The following PTPRN2 variants were observed in gnomAD, a reference collection of about 807,000 sequenced individuals.
PTPRN2 encodes protein tyrosine phosphatase receptor type N2, also known as receptor-type tyrosine-protein phosphatase N2.
A neutral mutation model predicts 118.8 loss-of-function variants in PTPRN2; 74 were observed. The ratio of observed to expected loss-of-function variants is 0.62; its 90% CI spans 0.52 to 0.76. The LOEUF (loss-of-function observed/expected upper bound fraction) is 0.76, where lower values mean the gene tolerates loss of function less well. Among genes scored for constraint, PTPRN2 ranks in the 30% least tolerant of loss-of-function variants. The pLI is 0.00. For synonymous variants in PTPRN2, 641 were observed against 608.0 expected, an observed-to-expected ratio of 1.05 and a Z score of -0.80; for missense variants, 1,481 against 1,394.4, an observed-to-expected ratio of 1.06 and a Z score of -0.99.
Position 157,560,757 on chromosome 7 carries a change from C to T in PTPRN2, c.2902+8145G>A, listed in dbSNP as rs1563213712. Among the ~76,000 whole-genome samples, 2 of 152,216 alleles carry T rather than the reference C, an allele frequency of 1.3e-5. No individual in the cohort carries two copies. On this transcript the variant is annotated intron_variant, in intron 21 of 22. Coordinates refer to ENST00000389418, the MANE Select transcript of PTPRN2 (RefSeq NM_002847.5). The surrounding 1 kb of genome is among the most constrained non-coding windows in gnomAD (Gnocchi z 6.7). ...ACCCAATTCTGGGCACTTTTTCAGC[C>T]TGAAACTTGCCTGAGCGAGACAAGA...
chr7:157,954,635 A>C (rs1801069469), intron 11 of PTPRN2, among the ~76,000 whole-genome samples: 1 of 152,018 alleles, frequency 6.6e-6, no homozygotes, highest in Admixed American at 6.5e-5. Flanking sequence ...GTGTGAGAGG[A>C]GTGGTCTCAG....
intron 10 of PTPRN2, among the ~76,000 whole-genome samples, chr7:158,110,191 G>T (rs557621902): frequency 6.6e-6 from 1 of 152,212 alleles, no homozygotes; most frequent in African/African-American, 2.4e-5. Flanking sequence ...CCAGCTGTGC[G>T]CTGTGGGAGC....
At chr7:157,952,544 G>T (rs1800903998) in intron 11 of PTPRN2, among the ~76,000 whole-genome samples, 1 of 152,066 alleles carries the variant, frequency 6.6e-6, no homozygotes, top group Non-Finnish European at 1.5e-5. Flanking sequence ...TGATAGGCTG[G>T]CTCCCTGAGC....
intron 9 of PTPRN2, among the ~76,000 whole-genome samples, chr7:158,122,930 T>C (rs1486823663): frequency 1.3e-5 from 2 of 151,536 alleles, no homozygotes; most frequent in African/African-American, 2.4e-5. Context: ...CTCTTCCTTG[T>C]GGGCCAGATG....
At chr7:157,684,777 C>T (rs1797093004) in intron 12 of PTPRN2, among the ~76,000 whole-genome samples, 1 of 151,972 alleles carries the variant, frequency 6.6e-6, no homozygotes, top group South Asian at 2.1e-4. Context: ...CGCGCCACCT[C>T]CCCCGGGCCG....
Position 157,784,951 on chromosome 7 carries a change from G to A in PTPRN2, c.1789-102014C>T, listed in dbSNP as rs993878230. 2.0e-5 allele frequency among the ~76,000 whole-genome samples: 3 copies of A among 152,174 alleles called. No individual in the cohort carries two copies. The highest frequency in any genetic ancestry group is 4.4e-5 in the Non-Finnish European group (3 of 68,020). On this transcript the variant is annotated intron_variant, in intron 12 of 22. Transcript: ENST00000389418. This position sits in a 1 kb window ranked among gnomAD's most constrained non-coding sequence, Gnocchi z 4.6. Reference sequence around the variant, plus strand: ...TCCCCAGTGGCCAGGTGAGCAGTGGGGCTGGAGAGGAGAGCAGAGGGAGCC... The same window carrying A: ...TCCCCAGTGGCCAGGTGAGCAGTGGAGCTGGAGAGGAGAGCAGAGGGAGCC...
chr7:158,471,625 T>C (rs932487737), intron 2 of PTPRN2, among the ~76,000 whole-genome samples: 1 of 152,184 alleles, frequency 6.6e-6, no homozygotes, highest in East Asian at 1.9e-4. Flanking sequence ...GAGTCAGAAG[T>C]TGTGGCGAGC....
intron 3 of PTPRN2, among the ~76,000 whole-genome samples, chr7:158,217,311 C>A (rs1319831655): frequency 6.6e-6 from 1 of 152,208 alleles, no homozygotes; most frequent in Non-Finnish European, 1.5e-5. Context: ...GGTCCCAGGT[C>A]ACCAGGGTTA....
intron 5 of PTPRN2, among the ~76,000 whole-genome samples, chr7:158,173,407 A>T (rs1217740326): frequency 6.6e-6 from 1 of 152,190 alleles, no homozygotes; most frequent in Non-Finnish European, 1.5e-5. Flanking sequence ...GAGCCACAAA[A>T]CCAGCAAGTT....
In PTPRN2 at chr7:157,733,826, C is replaced by T. The variant is rs550730734; in HGVS notation, c.1789-50889G>A. Among the ~76,000 whole-genome samples, 32 of 45,028 alleles carry T rather than the reference C, an allele frequency of 7.1e-4. 1 individual carries two copies. Among genetic ancestry groups the T allele is most frequent in the Non-Finnish European group, 1.2e-3 (28 of 22,422 alleles). The allele number at this position is 45,028 out of a possible 152,430, so 29.5% of individuals were successfully genotyped here. ...CACAGTTACTCTTTTCCGTCCCACG[C>T]GCCCAGCACAGTTACTCTTCCGTCC... is the stretch of plus-strand genomic sequence containing the variant. On this transcript the variant is annotated intron_variant, in intron 12 of 22. Coordinates refer to ENST00000389418, the MANE Select transcript of PTPRN2 (RefSeq NM_002847.5).
chr7:158,526,200 G>A lies in PTPRN2; in HGVS notation c.113-36415C>T, dbSNP rs953444900. Among the ~76,000 whole-genome samples, 2 of 152,160 alleles carry A rather than the reference G, an allele frequency of 1.3e-5. No homozygotes were observed. Among genetic ancestry groups the A allele is most frequent in the South Asian group, 2.1e-4 (1 of 4,832 alleles). ...CTCCTGGTGTTGGCAGGGTGCCGGC[G>A]GAATCCAGGGCAGGATTCACTTGTG... is the stretch of plus-strand genomic sequence containing the variant. On this transcript the variant is annotated intron_variant, in intron 1 of 22. Coordinates refer to ENST00000389418, the MANE Select transcript of PTPRN2 (RefSeq NM_002847.5). This position sits in a 1 kb window ranked among gnomAD's most constrained non-coding sequence, Gnocchi z 5.2.
chr7:158,111,538 A>G (rs774685613), intron 9 of PTPRN2, among the ~76,000 whole-genome samples: 43 of 152,236 alleles, frequency 2.8e-4, no homozygotes, highest in Non-Finnish European at 5.3e-4. Flanking sequence ...GTTGAAAGTC[A>G]CAAGTTGCCT....
intron 11 of PTPRN2, among the ~76,000 whole-genome samples, chr7:158,051,724 TTTA>T (rs1809340367): frequency 6.6e-6 from 1 of 152,252 alleles, no homozygotes; most frequent in African/African-American, 2.4e-5. Flanking sequence ...AGATGTGTTT[TTTA>T]TTCAGTTCAC....
At chr7:158,516,752 CTT>C (rs1419477317) in intron 1 of PTPRN2, among the ~76,000 whole-genome samples, 7 of 150,792 alleles carry the variant, frequency 4.6e-5, no homozygotes, top group Non-Finnish European at 8.9e-5. Context: ...GTGCTTCTGC[CTT>C]TTGTTCCTGG....
chr7:158,273,399 C>T lies in PTPRN2; in HGVS notation c.277+43420G>A, dbSNP rs112993040. On this transcript the variant is annotated intron_variant, in intron 3 of 22. Transcript: ENST00000389418. ...TGTCCCAGCGTCGTGGATGCAGACA[C>T]GGGAGGAGCCGCAGACAGACGCGGG... is the stretch of plus-strand genomic sequence containing the variant. Among the ~76,000 whole-genome samples the T allele has an allele frequency of 6.7e-3, 949 of 140,912 alleles. 9 individuals carry two copies. The highest frequency in any genetic ancestry group is 0.027 in the African/African-American group (899 of 33,836). The allele number at this position is 140,912 out of a possible 152,430, so 92.4% of individuals were successfully genotyped here. A position where few individuals can be genotyped will look rare whatever the true frequency, so the allele number is the denominator to read the frequency against.
chr7:158,240,158 T>C (rs75312445), intron 3 of PTPRN2, among the ~76,000 whole-genome samples: 1 of 152,228 alleles, frequency 6.6e-6, no homozygotes, highest in Non-Finnish European at 1.5e-5. Flanking sequence ...TGGCCATTTT[T>C]ATCTTTTTGA....
chr7:157,967,074 C>G (rs1034034531), intron 11 of PTPRN2, among the ~76,000 whole-genome samples: 16 of 152,198 alleles, frequency 1.1e-4, no homozygotes, highest in Admixed American at 8.5e-4. Context: ...AATCCCAACA[C>G]TTTGTGAGGC....
At chr7:157,651,784 A>G (rs1184953347) in intron 14 of PTPRN2, among the ~76,000 whole-genome samples, 2 of 152,264 alleles carry the variant, frequency 1.3e-5, no homozygotes, top group African/African-American at 2.4e-5. Flanking sequence ...AGTCGCCTTC[A>G]TCACGTCCTT....
intron 2 of PTPRN2, among the ~76,000 whole-genome samples, chr7:158,389,288 G>A (rs1004957102): frequency 1.1e-4 from 17 of 152,258 alleles, no homozygotes; most frequent in Admixed American, 2.0e-4. Context: ...AGGCTGCGAC[G>A]CATGTGGAGG....
Sources: allele counts gnomAD v4.1 joint callset (sites outside exome capture counted in the v4.1 genomes callset), GRCh38; gene constraint gnomAD v4.1.1; non-coding constraint Gnocchi (gnomAD v3.1); transcripts MANE v1.5; gene names NCBI Gene and HGNC (gene_info 2026-07-23, HGNC 2026-07-21).